The following DCTN5 variants were observed in gnomAD, a reference collection of about 807,000 sequenced individuals.
DCTN5 encodes dynactin 4.
In DCTN5, 14 loss-of-function variants were observed where a neutral mutation model predicts 23.5. The observed-to-expected ratio is 0.60, with a 90% CI of 0.39 to 0.93. The LOEUF (loss-of-function observed/expected upper bound fraction) is 0.93, where lower values mean the gene tolerates loss of function less well. Ranked by LOEUF, DCTN5 falls within the 40% of genes least tolerant of loss-of-function variation. DCTN5 has a pLI of 0.00. For missense variants in DCTN5, 156 were observed against 225.9 expected (o/e 0.69, Z 1.98); for synonymous variants, 67 against 79.6 (o/e 0.84, Z 0.84).
Position 23,675,062 on chromosome 16 carries a change from G to A in DCTN5, c.*7918G>A, listed in dbSNP as rs541687078. Reference sequence around the variant, plus strand: ...TCTTCAAATATACTCACATTTTGAGGTACAGGTAGATGGTTAGGGCTTCAG... The same window carrying A: ...TCTTCAAATATACTCACATTTTGAGATACAGGTAGATGGTTAGGGCTTCAG... On this transcript the variant is annotated 3_prime_UTR_variant, in exon 6 of 6. Transcript: ENST00000300087. The A allele has an allele frequency of 6.6e-6, 1 of 152,210 alleles. No homozygotes were observed. The highest frequency in any genetic ancestry group is 1.9e-4 in the East Asian group (1 of 5,182). 9.4% of individuals were successfully genotyped at this position (152,210 alleles called of 1,614,324 possible).
chr16:23,645,197 C>T (rs939641624), intron 2 of DCTN5, among the ~76,000 whole-genome samples: 68 of 138,706 alleles, frequency 4.9e-4, no homozygotes, highest in Middle Eastern at 8.9e-3. Context: ...TGCAATGGCA[C>T]GATCTCGGCT....
rs1163748002 is a variant in DCTN5, at chr16:23,661,667, A to G, written c.348+386A>G. 2.6e-5 allele frequency among the ~76,000 whole-genome samples: 4 copies of G among 152,102 alleles called. No homozygotes were observed. In the East Asian group the frequency reaches 7.7e-4, roughly 29 times the overall value. On this transcript the variant is annotated intron_variant, in intron 4 of 5. Transcript: ENST00000300087. The stretch of plus-strand genomic sequence containing the variant: ...CAGGAGGCGGAGGTTGCAATGAGCC[A>G]AGATTGCACCACTGCTTTCCAGTCT...
chr16:23,659,763 A>C (rs1222554274), intron 3 of DCTN5, among the ~76,000 whole-genome samples: 7 of 152,222 alleles, frequency 4.6e-5, no homozygotes, highest in Non-Finnish European at 8.8e-5. Flanking sequence ...GGATCGGAGA[A>C]TCATTATAAA....
At position 23,675,025 on chromosome 16, in the gene DCTN5, C is replaced by G. The variant is rs905916615; in HGVS notation, c.*7881C>G. 1 of 152,146 alleles carries G rather than the reference C, an allele frequency of 6.6e-6. No homozygotes were observed. Among genetic ancestry groups the G allele is most frequent in the Admixed American group, 6.5e-5 (1 of 15,278 alleles). 9.4% of individuals were successfully genotyped at this position (152,146 alleles called of 1,614,324 possible). On this transcript the variant is annotated 3_prime_UTR_variant, in exon 6 of 6. Coordinates refer to ENST00000300087, the MANE Select transcript of DCTN5 (RefSeq NM_032486.4). ...CAATCCCATTTTAACTTAGTTACCT[C>G]TTCAGGGCCTATCTTCAAATATACT...
At chr16:23,652,593 C>G (rs1195296147) in intron 2 of DCTN5, among the ~76,000 whole-genome samples, 1 of 152,184 alleles carries the variant, frequency 6.6e-6, no homozygotes, top group East Asian at 1.9e-4. Context: ...GCAACCACTA[C>G]TACAATCAAG....
chr16:23,652,710 A>T (rs1967627583), intron 2 of DCTN5, among the ~76,000 whole-genome samples: 1 of 152,312 alleles, frequency 6.6e-6, no homozygotes, highest in African/African-American at 2.4e-5. Context: ...ACTAATATAG[A>T]TTAGTTTTGC....
At chr16:23,646,562 C>A (rs796080469) in intron 2 of DCTN5, among the ~76,000 whole-genome samples, 3 of 151,950 alleles carry the variant, frequency 2.0e-5, no homozygotes, top group African/African-American at 7.2e-5. Flanking sequence ...GGTCATTGAT[C>A]CATTTTGAGT....
chr16:23,662,318 C>G (rs1056209489), intron 4 of DCTN5, among the ~76,000 whole-genome samples: 1 of 152,064 alleles, frequency 6.6e-6, no homozygotes, highest in Non-Finnish European at 1.5e-5. Flanking sequence ...ATTCAGGGTG[C>G]AAGCGGGCCC....
At position 23,643,032 on chromosome 16, in the gene DCTN5, C is replaced by T; in HGVS notation, c.117+9C>T. 6.2e-7 allele frequency: 1 copy of T among 1,613,450 alleles called. No homozygotes were observed. Among genetic ancestry groups the T allele is most frequent in the Non-Finnish European group, 8.5e-7 (1 of 1,179,356 alleles). On this transcript the variant is annotated intron_variant, in intron 2 of 5. Coordinates refer to ENST00000300087, the MANE Select transcript of DCTN5 (RefSeq NM_032486.4). The stretch of plus-strand genomic sequence containing the variant: ...TCGTTCTCAATGGCAAGGTAAGGGA[C>T]AAAGCCAGCTCCAGGCTGCAAACCT...
In DCTN5 at chr16:23,662,727, C is replaced by T. The variant is rs762272837; in HGVS notation, c.348+1446C>T. Among the ~76,000 whole-genome samples, 132 of 152,300 alleles carry T rather than the reference C, an allele frequency of 8.7e-4. 3 individuals carry two copies. Among genetic ancestry groups the T allele is most frequent in the Non-Finnish European group, 2.1e-4 (14 of 68,020 alleles). The stretch of plus-strand genomic sequence containing the variant: ...AAAGTTAGTAAAGTTCATCTCTCCC[C>T]TCACCCTAATTGCTTGACAAAAGCT... On this transcript the variant is annotated intron_variant, in intron 4 of 5. Coordinates refer to ENST00000300087, the MANE Select transcript of DCTN5 (RefSeq NM_032486.4).
At chr16:23,642,909 A>G (rs1235489523) in intron 1 of DCTN5, 46 bp from the exon 2 acceptor site, 6 of 1,557,140 alleles carry the variant, frequency 3.9e-6, no homozygotes, top group Non-Finnish European at 5.3e-6. Flanking sequence ...GTAGTCCAGA[A>G]ACCTATTAAG....
chr16:23,651,873 A>G (rs1254649301), intron 2 of DCTN5, among the ~76,000 whole-genome samples: 1 of 152,066 alleles, frequency 6.6e-6, no homozygotes, highest in Admixed American at 6.6e-5. Flanking sequence ...CATCTCTACT[A>G]AAAATACAAA....
At chr16:23,650,920 C>A (rs1967591275) in intron 2 of DCTN5, 1 of 1,404,766 alleles carries the variant, frequency 7.1e-7, no homozygotes. Context: ...CTGGTTGTTA[C>A]TGTGTGGGAA....
At chr16:23,665,124 C>CA (rs1853264948) in intron 4 of DCTN5, among the ~76,000 whole-genome samples, 1 of 152,180 alleles carries the variant, frequency 6.6e-6, no homozygotes, top group Non-Finnish European at 1.5e-5. Context: ...CCAGTAGTCC[C>CA]AGCAAAAGCC....
chr16:23,652,309 G>T (rs758531455), intron 2 of DCTN5, among the ~76,000 whole-genome samples: 70 of 152,030 alleles, frequency 4.6e-4, no homozygotes, highest in Non-Finnish European at 8.2e-4. Flanking sequence ...ATTTACAACT[G>T]CCTATTGATC....
intron 2 of DCTN5, among the ~76,000 whole-genome samples, chr16:23,649,601 G>A (rs1004829524): frequency 2.6e-5 from 4 of 152,006 alleles, no homozygotes; most frequent in South Asian, 2.1e-4. Flanking sequence ...CCAGCTCTTC[G>A]AGAGGCCAAG....
intron 4 of DCTN5, among the ~76,000 whole-genome samples, chr16:23,661,888 A>G (rs1470879308): frequency 6.6e-6 from 1 of 151,962 alleles, no homozygotes; most frequent in Non-Finnish European, 1.5e-5. Context: ...TGTTATCCCT[A>G]TTTGCAGATG....
intron 2 of DCTN5, among the ~76,000 whole-genome samples, chr16:23,648,389 G>A (rs902011296): frequency 3.7e-5 from 5 of 135,656 alleles, no homozygotes; most frequent in South Asian, 2.3e-4. Flanking sequence ...TCGCTGTGTC[G>A]CCTGGGCTAA....
intron 2 of DCTN5, among the ~76,000 whole-genome samples, chr16:23,644,738 A>G (rs8054866): frequency 0.063 from 9,591 of 151,734 alleles, 635 homozygotes; most frequent in African/African-American, 0.16. Flanking sequence ...GCCCAGCCCA[A>G]GATTTTTTTT....
Sources: gnomAD v4.1 joint callset for allele counts (sites outside exome capture counted in the v4.1 genomes callset) on GRCh38, gnomAD v4.1.1 for gene constraint, MANE v1.5 for transcripts, NCBI Gene and HGNC (gene_info 2026-07-23, HGNC 2026-07-21) for gene names.